MDGA1: variants seen among roughly 807,000 people sequenced by gnomAD.
The protein encoded by MDGA1 is MAM domain containing glycosylphosphatidylinositol anchor 1, also known as MAM domain-containing glycosylphosphatidylinositol anchor protein 1.
In MDGA1, 54 loss-of-function variants were observed where a neutral mutation model predicts 101.5. The observed-to-expected ratio is 0.53, with a 90% CI of 0.43 to 0.67. The LOEUF (loss-of-function observed/expected upper bound fraction) is 0.67. Among genes scored for constraint, MDGA1 ranks in the 30% least tolerant of loss-of-function variants. The probability of loss-of-function intolerance (pLI) is 0.00; values close to 1 mark genes in which losing one functional copy is unlikely to be tolerated. For missense variants in MDGA1, 1,083 were observed against 1,323.8 expected, an observed-to-expected ratio of 0.82 and a Z score of 2.82; for synonymous variants, 533 against 558.3, an observed-to-expected ratio of 0.95 and a Z score of 0.64.
chr6:37,660,919 T>C (rs888207298), intron 2 of MDGA1, among the ~76,000 whole-genome samples: 2 of 152,220 alleles, frequency 1.3e-5, no homozygotes, highest in East Asian at 1.9e-4. Context: ...CCGAAGATCA[T>C]GGATTCATAT....
At position 37,650,288 on chromosome 6, in the gene MDGA1, C is replaced by A. The variant is rs759368110; in HGVS notation, c.1430G>T (p.Arg477Leu). Residue 477 changes from arginine (R) to leucine (L), a missense_variant, in exon 8 of 17, where the codon CGC becomes CTC. Physicochemically the swap from Arg to Leu is moderately radical, Grantham distance 102 (BLOSUM62 -2). Around this residue, in one of 3 missense-constraint regions of MDGA1, gnomAD observed 657 missense variants for 771.4 expected, o/e 0.85. Transcript: ENST00000434837. ...GKPRPPVLWS[R>L]VDKEAALLPS... ...CAGCAGTGCAGCCTCCTTGTCCACGCGGGACCAGAGCACTGGCGGCCGCGG... is the reference window on the plus strand; with the variant it reads ...CAGCAGTGCAGCCTCCTTGTCCACGAGGGACCAGAGCACTGGCGGCCGCGG... 41 of 1,604,782 alleles carry A rather than the reference C, an allele frequency of 2.6e-5. No homozygotes were observed. The highest frequency in any genetic ancestry group is 3.5e-5 in the Non-Finnish European group (41 of 1,177,488).
intron 14 of MDGA1, 93 bp downstream of exon 14, chr6:37,643,716 T>G: frequency 6.5e-7 from 1 of 1,542,910 alleles, no homozygotes; most frequent in Non-Finnish European, 8.8e-7. Flanking sequence ...AGCTGAGGCC[T>G]CACATGGGCC....
At chr6:37,693,466 C>T (rs752336309) in intron 1 of MDGA1, among the ~76,000 whole-genome samples, 1 of 152,238 alleles carries the variant, frequency 6.6e-6, no homozygotes, top group Non-Finnish European at 1.5e-5. Context: ...TTGACTTCCA[C>T]CAGTAAGTTG....
chr6:37,681,573 C>T (rs1762098189), intron 1 of MDGA1, among the ~76,000 whole-genome samples: 1 of 152,374 alleles, frequency 6.6e-6, no homozygotes, highest in Non-Finnish European at 1.5e-5. Flanking sequence ...TTATCGTGTG[C>T]AACATCATCA....
At chr6:37,681,124 G>A (rs1762088293) in intron 1 of MDGA1, among the ~76,000 whole-genome samples, 1 of 152,202 alleles carries the variant, frequency 6.6e-6, no homozygotes, top group South Asian at 2.1e-4. Flanking sequence ...TCCTGCCTGA[G>A]TAAATTGGAA....
In MDGA1 at chr6:37,637,404, C is replaced by T. The variant is rs768615222; in HGVS notation, c.2832G>A (p.Gly944=). ...ACGCCAAGAGGAAGATGGCCATGGG[C>T]CCCCACAGCTGTGGGCTGGACTGGC... ...APCQSSPQLW[G]PMAIFLLALQ... The change falls in exon 17 of 17, where the codon GGG becomes GGA. Residue 944 remains glycine, a synonymous_variant. Transcript: ENST00000434837. 17 of 1,613,546 alleles carry T rather than the reference C, an allele frequency of 1.1e-5. No homozygotes were observed. The highest frequency in any genetic ancestry group is 8.3e-5 in the Admixed American group (5 of 59,994).
At chr6:37,690,058 T>G (rs1762277247) in intron 1 of MDGA1, among the ~76,000 whole-genome samples, 1 of 152,228 alleles carries the variant, frequency 6.6e-6, no homozygotes, top group Non-Finnish European at 1.5e-5. Context: ...ACTAACTCTC[T>G]GGCCCCACCT....
Position 37,658,239 on chromosome 6 carries a change from A to G in MDGA1, c.382+6T>C, listed in dbSNP as rs1761536337. The G allele has an allele frequency of 2.5e-6, 4 of 1,579,624 alleles. No homozygotes were observed. Among genetic ancestry groups the G allele is most frequent in the Non-Finnish European group, 3.4e-6 (4 of 1,161,760 alleles). ...GGGCCCGGGGAGAGAGGGGGCCTCA[A>G]CTCACACTGCACGTCCACGCGGATG... On this transcript the variant is annotated splice_donor_region_variant and intron_variant, in intron 3 of 16. Transcript: ENST00000434837.
At chr6:37,666,788 A>G (rs1295554971) in intron 1 of MDGA1, among the ~76,000 whole-genome samples, 2 of 152,262 alleles carry the variant, frequency 1.3e-5, no homozygotes, top group Non-Finnish European at 1.5e-5. Flanking sequence ...AACAGGCATC[A>G]CCATCTTCTG....
intron 1 of MDGA1, among the ~76,000 whole-genome samples, chr6:37,691,324 CT>C (rs1762303726): frequency 1.3e-5 from 2 of 152,222 alleles, no homozygotes; most frequent in Non-Finnish European, 2.9e-5. Context: ...GTTTTCTCAT[CT>C]GTTCAATGGA....
chr6:37,657,022 G>T (rs1761504979), intron 3 of MDGA1, among the ~76,000 whole-genome samples: 1 of 152,036 alleles, frequency 6.6e-6, no homozygotes, highest in South Asian at 2.1e-4. Context: ...GACTGGGAGG[G>T]GGCATGAAGG....
intron 1 of MDGA1, among the ~76,000 whole-genome samples, chr6:37,689,389 C>G (rs867065964): frequency 4.6e-5 from 7 of 152,348 alleles, no homozygotes; most frequent in African/African-American, 1.4e-4. Context: ...CGATATCCCC[C>G]CCAGACATGC....
At chr6:37,678,352 C>T (rs1447231603) in intron 1 of MDGA1, among the ~76,000 whole-genome samples, 1 of 152,152 alleles carries the variant, frequency 6.6e-6, no homozygotes, top group East Asian at 1.9e-4. Flanking sequence ...GCGATGCCAC[C>T]CTAGTCTTAG....
intron 4 of MDGA1, 38 bp from the exon 5 acceptor site, chr6:37,654,970 T>G (rs1761451772): frequency 6.2e-7 from 1 of 1,608,874 alleles, no homozygotes; most frequent in African/African-American, 1.3e-5. Flanking sequence ...GGTGCCTGCT[T>G]GAGTCTCCAG....
intron 2 of MDGA1, 92 bp from the exon 3 acceptor site, chr6:37,658,511 C>T (rs1238936055): frequency 7.5e-7 from 1 of 1,340,610 alleles, no homozygotes; most frequent in Non-Finnish European, 1.0e-6. Flanking sequence ...CCCCCTTTCT[C>T]CCATACTTTT....
chr6:37,680,148 G>A (rs573471027), intron 1 of MDGA1, among the ~76,000 whole-genome samples: 1 of 152,320 alleles, frequency 6.6e-6, no homozygotes, highest in South Asian at 2.1e-4. Flanking sequence ...GTGGGGCGCT[G>A]ACACACCAGG....
At chr6:37,650,021 G>T in intron 8 of MDGA1, 88 bp downstream of exon 8, 5 of 1,524,448 alleles carry the variant, frequency 3.3e-6, no homozygotes, top group Non-Finnish European at 4.5e-6. Context: ...GGTTGGACTG[G>T]GGTGGGTGAG....
chr6:37,637,345 G>A lies in MDGA1; in HGVS notation c.*23C>T, dbSNP rs749167602. 5.7e-6 allele frequency: 9 copies of A among 1,589,764 alleles called. No homozygotes were observed. Among genetic ancestry groups the A allele is most frequent in the African/African-American group, 5.4e-5 (4 of 74,474 alleles). On this transcript the variant is annotated 3_prime_UTR_variant, in exon 17 of 17. Coordinates refer to ENST00000434837, the MANE Select transcript of MDGA1 (RefSeq NM_153487.4). Reference sequence around the variant, plus strand: ...CTTTGGTGTGCCGGGGGCAAGGTTGGGGGGGTGGCCACACAGCTCTCATCA... The same window carrying A: ...CTTTGGTGTGCCGGGGGCAAGGTTGAGGGGGTGGCCACACAGCTCTCATCA...
chr6:37,694,493 G>A (rs1264997238), intron 1 of MDGA1, among the ~76,000 whole-genome samples: 2 of 152,198 alleles, frequency 1.3e-5, no homozygotes, highest in Admixed American at 6.5e-5. Flanking sequence ...TCACTCTCAT[G>A]CTGTTTCTTC....
Sources: allele counts gnomAD v4.1 joint callset (sites outside exome capture counted in the v4.1 genomes callset), GRCh38; gene constraint gnomAD v4.1.1; regional missense constraint gnomAD v4.1.1; transcripts MANE v1.5; gene names NCBI Gene and HGNC (gene_info 2026-07-23, HGNC 2026-07-21).